Variants in TP53I13 observed in about 807,000 individuals in gnomAD.
TP53I13 encodes tumor protein p53 inducible protein 13, also known as tumor protein p53-inducible protein 13.
A neutral mutation model predicts 39.1 loss-of-function variants in TP53I13; 27 were observed. The ratio of observed to expected loss-of-function variants is 0.69; its 90% CI spans 0.51 to 0.95. The LOEUF is 0.95. TP53I13 is among the 40% of genes least tolerant of loss of function. TP53I13 has a pLI of 0.00. For synonymous variants in TP53I13, 230 were observed against 224.6 expected (o/e 1.02, Z -0.22); for missense variants, 544 against 520.4 (o/e 1.05, Z -0.44).
At chr17:29,575,611 G>A (rs777128960), downstream of TP53I13, 4 of 1,608,382 alleles carry the variant, frequency 2.5e-6, no homozygotes, top group African/African-American at 5.3e-5. The surrounding 1 kb of genome is among the most constrained non-coding windows in gnomAD (Gnocchi z 5.5). Flanking sequence ...GGCTGGACTG[G>A]AGACCCAGGG....
downstream of TP53I13, chr17:29,577,124 C>G (rs1258804761): frequency 2.5e-6 from 4 of 1,611,526 alleles, no homozygotes; most frequent in African/African-American, 4.0e-5. Flanking sequence ...CCCTCCCACA[C>G]AACCCTCCCA....
downstream of TP53I13, chr17:29,573,959 A>C (rs1196106318): frequency 1.3e-5 from 2 of 152,388 alleles, no homozygotes; most frequent in Non-Finnish European, 2.9e-5. Flanking sequence ...CCAGGTGGGG[A>C]AGGGAAGCTG....
rs1466592011 is a variant in TP53I13 at position 29,568,841 on chromosome 17, C to G, written c.72+11C>G. 3.7e-6 allele frequency: 6 copies of G among 1,600,062 alleles called. No homozygotes were observed. The highest frequency in any genetic ancestry group is 3.4e-6 in the Non-Finnish European group (4 of 1,179,558). ...CTGGGTCCCAGCGAGGTAAGGTGAC[C>G]CGCTCCTGGGAAGGCCTCGGCCCGC... On this transcript the variant is annotated intron_variant, in intron 1 of 6. Coordinates refer to ENST00000301057, the MANE Select transcript of TP53I13 (RefSeq NM_138349.4). This position sits in a 1 kb window ranked among gnomAD's most constrained non-coding sequence, Gnocchi z 4.5.
At chr17:29,569,412 G>A (rs371950174) in intron 3 of TP53I13, 53 bp downstream of exon 3, 90 of 1,575,998 alleles carry the variant, frequency 5.7e-5, no homozygotes, top group Admixed American at 4.9e-4. Context: ...GGAGACAGGC[G>A]CTCCTAGCAG....
downstream of TP53I13, chr17:29,575,998 C>T: frequency 1.3e-6 from 2 of 1,561,016 alleles, no homozygotes; most frequent in South Asian, 1.1e-5. The surrounding 1 kb of genome is among the most constrained non-coding windows in gnomAD (Gnocchi z 5.5). Context: ...CATCTTAAGC[C>T]CCGAATTCAG....
At chr17:29,570,285 A>G (rs1598551415) in intron 3 of TP53I13, among the ~76,000 whole-genome samples, 1 of 147,734 alleles carries the variant, frequency 6.8e-6, no homozygotes, top group South Asian at 2.2e-4. Flanking sequence ...AGGCGGGTGG[A>G]ACACCTGAGG....
downstream of TP53I13, chr17:29,573,487 CTTTA>C (rs1400688968): frequency 6.6e-6 from 1 of 152,654 alleles, no homozygotes; most frequent in Non-Finnish European, 1.5e-5. Flanking sequence ...ATGGTCACTT[CTTTA>C]TTTTTGATAC....
the TP53I13 span, chr17:29,581,897 C>A: frequency 1.2e-6 from 2 of 1,606,116 alleles, no homozygotes; most frequent in South Asian, 1.1e-5. The surrounding 1 kb of genome is among the most constrained non-coding windows in gnomAD (Gnocchi z 4.8). Flanking sequence ...CCCCCACCCA[C>A]CCACACTGCA....
downstream of TP53I13, chr17:29,576,517 C>T: frequency 1.9e-6 from 3 of 1,613,802 alleles, no homozygotes; most frequent in Middle Eastern, 1.6e-4. Flanking sequence ...AGGCTGCACC[C>T]TCACCTCTCG....
chr17:29,571,827 C>G, intron 4 of TP53I13, 30 bp from the exon 5 acceptor site: 1 of 1,612,822 alleles, frequency 6.2e-7, no homozygotes, highest in Non-Finnish European at 8.5e-7. Flanking sequence ...CCACCTTCCT[C>G]GTAGCTCTAA....
At chr17:29,574,338 G>A (rs1346526031), downstream of TP53I13, 1 of 289,052 alleles carries the variant, frequency 3.5e-6, no homozygotes, top group African/African-American at 2.2e-5. Context: ...CATGGGGGTG[G>A]GGCGCATGTA....
At chr17:29,575,103 G>C (rs757777256), downstream of TP53I13, 2 of 1,599,994 alleles carry the variant, frequency 1.3e-6, no homozygotes, top group Non-Finnish European at 1.7e-6. The surrounding 1 kb of genome is among the most constrained non-coding windows in gnomAD (Gnocchi z 5.5). Context: ...AGGCCATCTC[G>C]GTCACAGCCA....
Position 29,571,897 on chromosome 17 carries a change from C to T in TP53I13, c.353C>T (p.Ala118Val), listed in dbSNP as rs954719218. 3.7e-6 allele frequency: 6 copies of T among 1,613,080 alleles called. No individual in the cohort carries two copies. The highest frequency in any genetic ancestry group is 1.7e-5 in the Admixed American group (1 of 60,010). The change falls in exon 5 of 7, where the codon GCC becomes GTC. Residue 118 changes from alanine (A) to valine (V), a missense_variant. Physicochemically the swap from Ala to Val is moderately conservative, Grantham distance 64. Transcript: ENST00000301057. ...LTAWGLALEM[A>V]WVEPAWAAHW... is the part of the protein sequence containing the mutation. ...GCATGGGGGCTGGCGCTGGAGATGG[C>T]CTGGGTAGAGCCAGCCTGGGCTGCC...
the TP53I13 span, chr17:29,578,953 A>C: frequency 6.2e-7 from 1 of 1,613,392 alleles, no homozygotes; most frequent in African/African-American, 1.3e-5. Flanking sequence ...CCCGGCAGGC[A>C]CCATATACCT....
chr17:29,569,259 C>CA lies in TP53I13; in HGVS notation c.142-58dup, dbSNP rs1462019497. On this transcript the variant is annotated intron_variant, in intron 2 of 6. Coordinates refer to ENST00000301057, the MANE Select transcript of TP53I13 (RefSeq NM_138349.4). ...CGCTTGGGGCCTGCCGTCCCCTCCC[C>CA]ACCACACACACACGGAGTCCCCCAA... is the stretch of plus-strand genomic sequence containing the variant. The CA allele has an allele frequency of 3.6e-5, 57 of 1,582,490 alleles. No homozygotes were observed. In the African/African-American group the frequency reaches 5.1e-4, roughly 14 times the overall value.
At chr17:29,570,918 A>AC (rs1178783800) in intron 3 of TP53I13, 1 of 152,444 alleles carries the variant, frequency 6.6e-6, no homozygotes, top group Non-Finnish European at 1.5e-5. Context: ...CCCCTGAGAC[A>AC]CTGCCCGATG....
chr17:29,575,115 A>G (rs746987696), downstream of TP53I13: 2 of 1,601,418 alleles, frequency 1.2e-6, no homozygotes, highest in Non-Finnish European at 1.7e-6. The surrounding 1 kb of genome is among the most constrained non-coding windows in gnomAD (Gnocchi z 5.5). Context: ...TCACAGCCAA[A>G]TGGATCTTCT....
intron 3 of TP53I13, 83 bp downstream of exon 3, chr17:29,569,442 T>G: frequency 1.4e-6 from 2 of 1,387,292 alleles, no homozygotes; most frequent in Non-Finnish European, 2.0e-6. Context: ...CCTGTTCTGC[T>G]GATCGGCCCC....
chr17:29,580,521 G>A, the TP53I13 span, among the ~76,000 whole-genome samples: 98 of 152,330 alleles, frequency 6.4e-4, no homozygotes, highest in African/African-American at 2.2e-3. Context: ...TATGTGCTGG[G>A]TGAGTGGCAG....
Sources: allele counts gnomAD v4.1 joint callset (sites outside exome capture counted in the v4.1 genomes callset), GRCh38; gene constraint gnomAD v4.1.1; non-coding constraint Gnocchi (gnomAD v3.1); transcripts MANE v1.5; gene names NCBI Gene and HGNC (gene_info 2026-07-23, HGNC 2026-07-21).